GGPS1: variants seen among roughly 807,000 people sequenced by gnomAD.
The protein encoded by GGPS1 is geranylgeranyl pyrophosphate synthase.
GGPS1 carries 15 observed loss-of-function variants against 28.1 expected under a neutral mutation model. That is an observed-to-expected ratio of 0.53 (90% confidence interval 0.36 to 0.82). The LOEUF is 0.82. Ranked by LOEUF, GGPS1 falls within the 40% of genes least tolerant of loss-of-function variation. GGPS1 has a pLI of 0.01. For synonymous variants in GGPS1, 138 were observed against 122.4 expected (o/e 1.13, Z -0.84); for missense variants, 284 against 348.3 (o/e 0.82, Z 1.47).
chr1:235,335,850 T>C (rs1297710607), intron 2 of GGPS1, among the ~76,000 whole-genome samples: 3 of 152,264 alleles, frequency 2.0e-5, no homozygotes, highest in African/African-American at 7.2e-5. Flanking sequence ...CAGATTTGTT[T>C]AACAGTAGAA....
intron 2 of GGPS1, among the ~76,000 whole-genome samples, chr1:235,340,249 G>A (rs1675993602): frequency 6.6e-6 from 1 of 152,174 alleles, no homozygotes. Context: ...GTAGCGGCCG[G>A]ATTGCTTGAG....
At chr1:235,335,034 C>T (rs946688211) in intron 1 of GGPS1, among the ~76,000 whole-genome samples, 2 of 152,264 alleles carry the variant, frequency 1.3e-5, no homozygotes, top group East Asian at 1.9e-4. Context: ...AGGCTGGTCT[C>T]GAACTCCTGG....
intron 2 of GGPS1, among the ~76,000 whole-genome samples, chr1:235,339,168 G>A (rs926581657): frequency 6.6e-6 from 1 of 151,850 alleles, no homozygotes; most frequent in African/African-American, 2.4e-5. Flanking sequence ...ATTTAGTGGC[G>A]CACGACTGTA....
chr1:235,337,467 A>G (rs748275077), intron 2 of GGPS1, among the ~76,000 whole-genome samples: 9 of 152,216 alleles, frequency 5.9e-5, no homozygotes. Flanking sequence ...CTCAAAAGAT[A>G]CTACTAAAGA....
intron 1 of GGPS1, among the ~76,000 whole-genome samples, chr1:235,334,304 T>C (rs1233744024): frequency 6.6e-6 from 1 of 152,224 alleles, no homozygotes; most frequent in Non-Finnish European, 1.5e-5. Flanking sequence ...TTTGGATGTG[T>C]TTTGACATTT....
At chr1:235,328,109 G>A (rs1675480556), upstream of GGPS1, 1 of 153,370 alleles carries the variant, frequency 6.5e-6, no homozygotes, top group African/African-American at 2.4e-5. Flanking sequence ...GCGGCGGCAA[G>A]ATGAAGCTCA....
At chr1:235,329,744 CTCAA>C (rs747893235) in intron 1 of GGPS1, 3 of 152,110 alleles carry the variant, frequency 2.0e-5, no homozygotes, top group Non-Finnish European at 4.4e-5. Flanking sequence ...TCCAAGGAAT[CTCAA>C]TCAAAAGGGA....
chr1:235,333,430 G>A (rs529945211), intron 1 of GGPS1, among the ~76,000 whole-genome samples: 11 of 151,948 alleles, frequency 7.2e-5, no homozygotes, highest in Admixed American at 4.6e-4. Context: ...TTAGCTGGGC[G>A]TGGTGGCAAG....
At chr1:235,339,022 G>A (rs1452971240) in intron 2 of GGPS1, among the ~76,000 whole-genome samples, 8 of 151,974 alleles carry the variant, frequency 5.3e-5, no homozygotes, top group East Asian at 1.9e-4. Context: ...AAAATTGGCC[G>A]GGCGCGGTAG....
chr1:235,328,214 CT>C (rs1349857052), upstream of GGPS1: 13 of 147,676 alleles, frequency 8.8e-5, no homozygotes, highest in African/African-American at 3.2e-4. Flanking sequence ...GGTTCCCCCC[CT>C]TTCTCCCCTC....
chr1:235,341,977 T>A, intron 3 of GGPS1, 34 bp from the exon 4 acceptor site: 1 of 1,340,814 alleles, frequency 7.5e-7, no homozygotes, highest in Non-Finnish European at 1.0e-6. Flanking sequence ...TTTTGAATAG[T>A]TCAAATAAGT....
At position 235,342,175 on chromosome 1, in the gene GGPS1, A is replaced by T; in HGVS notation, c.306A>T (p.Lys102Asn). The T allele has an allele frequency of 6.2e-7, 1 of 1,614,118 alleles. No homozygotes were observed. Among genetic ancestry groups the T allele is most frequent in the Non-Finnish European group, 8.5e-7 (1 of 1,179,994 alleles). Reference protein sequence around the residue: ...ANYVYFLGLEKVLTLDHPDAV... With the variant: ...ANYVYFLGLENVLTLDHPDAV... ...ACGTGTATTTCCTTGGCTTGGAGAA[A>T]GTCTTAACCCTTGATCACCCAGATG... Residue 102 changes from lysine (K) to asparagine (N), a missense_variant, in exon 4 of 4, where the codon AAA becomes AAT. Physicochemically the swap from Lys to Asn is moderately conservative, Grantham distance 94 (BLOSUM62 0). Coordinates refer to ENST00000282841, the MANE Select transcript of GGPS1 (RefSeq NM_004837.4).
chr1:235,334,971 C>T (rs990824945), intron 1 of GGPS1, among the ~76,000 whole-genome samples: 1 of 152,050 alleles, frequency 6.6e-6, no homozygotes, highest in African/African-American at 2.4e-5. Context: ...GATCTACCCA[C>T]CTCAGCTAAT....
chr1:235,339,990 C>G (rs2803848), intron 2 of GGPS1, among the ~76,000 whole-genome samples: 151,760 of 152,186 alleles, frequency 1, 75,669 homozygotes, highest in East Asian at 1. Flanking sequence ...AAATTAGCCA[C>G]GCATGGTGGC....
chr1:235,335,293 G>A lies in GGPS1; in HGVS notation c.29G>A (p.Arg10Lys), dbSNP rs752833128. The change falls in exon 2 of 4, where the codon AGA becomes AAA. Residue 10 changes from arginine (R) to lysine (K), a missense_variant. Transcript: ENST00000282841. ...GAGAAGACTCAAGAAACAGTCCAAAGAATTCTTCTAGAACCCTATAAATAC... is the reference window on the plus strand; with the variant it reads ...GAGAAGACTCAAGAAACAGTCCAAAAAATTCTTCTAGAACCCTATAAATAC... The part of the protein sequence containing the change: MEKTQETVQ[R>K]ILLEPYKYLL... The A allele has an allele frequency of 4.5e-6, 7 of 1,559,574 alleles. No individual in the cohort carries two copies. Among genetic ancestry groups the A allele is most frequent in the Non-Finnish European group, 4.4e-6 (5 of 1,131,852 alleles).
intron 2 of GGPS1, among the ~76,000 whole-genome samples, 199 bp downstream of exon 2, chr1:235,335,533 C>A (rs1052791312): frequency 6.6e-6 from 1 of 152,096 alleles, no homozygotes; most frequent in African/African-American, 2.4e-5. Flanking sequence ...GTGATACATA[C>A]CTGTTGTCCC....
Position 235,344,356 on chromosome 1 carries a change from T to C in GGPS1, c.*1584T>C, listed in dbSNP as rs1431342162. 6.0e-6 allele frequency: 1 copy of C among 167,050 alleles called. No individual in the cohort carries two copies. The highest frequency in any genetic ancestry group is 1.5e-5 in the Non-Finnish European group (1 of 68,114). The allele number at this position is 167,050 out of a possible 1,614,324, so 10.3% of individuals were successfully genotyped here. On this transcript the variant is annotated 3_prime_UTR_variant, in exon 4 of 4. Coordinates refer to ENST00000282841, the MANE Select transcript of GGPS1 (RefSeq NM_004837.4). ...AGTTGGGTGCTGTCTTTAGTAACTT[T>C]TAAAATAGTTTAAATCTCCCATTTT...
In GGPS1 at chr1:235,342,355, C is replaced by T. The variant is rs988281633; in HGVS notation, c.486C>T (p.Leu162=). 18 of 1,613,860 alleles carry T rather than the reference C, an allele frequency of 1.1e-5. No homozygotes were observed. In the African/African-American group the frequency reaches 1.9e-4, roughly 17 times the overall value. Residue 162 remains leucine (L), a synonymous_variant, in exon 4 of 4, where the codon CTC becomes CTT. Transcript: ENST00000282841. The part of the protein sequence containing the change: ...TGGLFGLAVG[L]MQLFSDYKED... ...GACTGTTTGGATTAGCAGTAGGTCT[C>T]ATGCAGTTGTTCTCTGATTACAAAG...
At chr1:235,328,208 C>T (rs370665638), upstream of GGPS1, 68 of 135,232 alleles carry the variant, frequency 5.0e-4, no homozygotes, top group Admixed American at 5.3e-3. Context: ...ACTCTAGGTT[C>T]CCCCCCTTTC....
Sources: gnomAD v4.1 joint callset for allele counts (sites outside exome capture counted in the v4.1 genomes callset) on GRCh38, gnomAD v4.1.1 for gene constraint, MANE v1.5 for transcripts, NCBI Gene and HGNC (gene_info 2026-07-23, HGNC 2026-07-21) for gene names.